The following WDR70 variants were observed in gnomAD, a reference collection of about 807,000 sequenced individuals.
The protein encoded by WDR70 is WD repeat-containing protein 70.
In WDR70, 53 loss-of-function variants were observed where a neutral mutation model predicts 88.6. That is an observed-to-expected ratio of 0.60 (90% confidence interval 0.48 to 0.75). The LOEUF is 0.75. Among genes scored for constraint, WDR70 ranks in the 30% least tolerant of loss-of-function variants. WDR70 has a pLI of 0.00. For synonymous variants in WDR70, 280 were observed against 270.0 expected (o/e 1.04, Z -0.36); for missense variants, 610 against 823.2 (o/e 0.74, Z 3.17).
intron 10 of WDR70, among the ~76,000 whole-genome samples, chr5:37,625,820 C>T (rs1241323642): frequency 3.3e-5 from 5 of 152,138 alleles, no homozygotes; most frequent in Admixed American, 1.3e-4. Flanking sequence ...TGAGCCACCT[C>T]TCCCAGCCTG....
chr5:37,708,507 C>T (rs1177720723), intron 13 of WDR70, among the ~76,000 whole-genome samples: 1 of 151,796 alleles, frequency 6.6e-6, no homozygotes, highest in East Asian at 1.9e-4. Flanking sequence ...AAAGTATATT[C>T]TGGAAATGAA....
At chr5:37,665,353 C>T (rs1448971114) in intron 10 of WDR70, among the ~76,000 whole-genome samples, 2 of 152,108 alleles carry the variant, frequency 1.3e-5, no homozygotes, top group African/African-American at 2.4e-5. Flanking sequence ...CCCTTTGTAC[C>T]TGCAGCTGAT....
intron 10 of WDR70, among the ~76,000 whole-genome samples, chr5:37,679,599 C>G (rs1746357042): frequency 6.6e-6 from 1 of 152,206 alleles, no homozygotes; most frequent in Non-Finnish European, 1.5e-5. Context: ...GAAGTTTTGT[C>G]TCAGAGGAGT....
At chr5:37,568,103 A>C (rs966070088) in intron 9 of WDR70, among the ~76,000 whole-genome samples, 2 of 152,186 alleles carry the variant, frequency 1.3e-5, no homozygotes, top group African/African-American at 4.8e-5. Flanking sequence ...GTAGGTTGCC[A>C]GGTTTATGTG....
chr5:37,602,245 CTT>C (rs964108684), intron 9 of WDR70, among the ~76,000 whole-genome samples: 26 of 145,976 alleles, frequency 1.8e-4, no homozygotes, highest in African/African-American at 6.7e-4. Context: ...AAGAAAATAA[CTT>C]TATTTACAAT....
At chr5:37,709,364 T>C (rs901829291) in intron 13 of WDR70, among the ~76,000 whole-genome samples, 1 of 152,208 alleles carries the variant, frequency 6.6e-6, no homozygotes, top group Non-Finnish European at 1.5e-5. Flanking sequence ...TTTAGGAGGA[T>C]TAAACAATGC....
At chr5:37,441,830 A>G (rs1451489633) in intron 6 of WDR70, among the ~76,000 whole-genome samples, 1 of 151,962 alleles carries the variant, frequency 6.6e-6, no homozygotes, top group Non-Finnish European at 1.5e-5. Context: ...AAAAAACAAA[A>G]CAAAAAAACC....
At chr5:37,503,207 A>G (rs1740455358) in intron 8 of WDR70, among the ~76,000 whole-genome samples, 2 of 152,264 alleles carry the variant, frequency 1.3e-5, no homozygotes, top group South Asian at 2.1e-4. Context: ...TACAGGCTTC[A>G]TAGAATGAGT....
At chr5:37,387,521 T>G (rs891094710) in intron 3 of WDR70, among the ~76,000 whole-genome samples, 3 of 152,204 alleles carry the variant, frequency 2.0e-5, no homozygotes, top group African/African-American at 7.2e-5. Context: ...ACCTCTGATC[T>G]AAACACATGA....
At chr5:37,382,378 G>A (rs1748454331) in intron 3 of WDR70, among the ~76,000 whole-genome samples, 2 of 151,438 alleles carry the variant, frequency 1.3e-5, no homozygotes, top group South Asian at 4.2e-4. Flanking sequence ...GATTACAGAC[G>A]TGAACCACTG....
At chr5:37,587,955 C>A (rs888966476) in intron 9 of WDR70, among the ~76,000 whole-genome samples, 15 of 151,976 alleles carry the variant, frequency 9.9e-5, no homozygotes, top group African/African-American at 3.4e-4. Flanking sequence ...ATTGTCTCTA[C>A]TAAAAGTAGA....
intron 9 of WDR70, among the ~76,000 whole-genome samples, chr5:37,585,747 G>A (rs665327): frequency 0.77 from 116,568 of 152,102 alleles, 45,126 homozygotes; most frequent in African/African-American, 0.87. Context: ...TTACTGGAGC[G>A]TCAGTCTAGG....
At chr5:37,457,428 A>G (rs1228586575) in intron 7 of WDR70, among the ~76,000 whole-genome samples, 1 of 152,184 alleles carries the variant, frequency 6.6e-6, no homozygotes, top group Non-Finnish European at 1.5e-5. Flanking sequence ...ACTGTAAACT[A>G]TGATGGCAAG....
intron 6 of WDR70, among the ~76,000 whole-genome samples, chr5:37,440,439 A>T (rs1355182030): frequency 6.6e-6 from 1 of 151,986 alleles, no homozygotes; most frequent in African/African-American, 2.4e-5. Flanking sequence ...TCCACCTCCC[A>T]GGGGTAAGCG....
At chr5:37,505,414 T>A (rs1740529984) in intron 8 of WDR70, among the ~76,000 whole-genome samples, 1 of 152,174 alleles carries the variant, frequency 6.6e-6, no homozygotes, top group African/African-American at 2.4e-5. Flanking sequence ...AACTTGCCTC[T>A]GGTATTGAGT....
At chr5:37,738,526 T>G (rs1748373523) in intron 17 of WDR70, among the ~76,000 whole-genome samples, 1 of 150,476 alleles carries the variant, frequency 6.6e-6, no homozygotes, top group Admixed American at 6.7e-5. Flanking sequence ...GTAGAAGACA[T>G]AGGTCAAAGC....
chr5:37,701,348 A>G (rs970600832), intron 12 of WDR70, among the ~76,000 whole-genome samples: 1 of 152,110 alleles, frequency 6.6e-6, no homozygotes, highest in Admixed American at 6.5e-5. Flanking sequence ...AGTTAAAATT[A>G]TGTATTTGAT....
intron 12 of WDR70, among the ~76,000 whole-genome samples, chr5:37,701,647 G>A (rs1049599900): frequency 5.3e-5 from 8 of 151,936 alleles, no homozygotes; most frequent in African/African-American, 7.3e-5. Flanking sequence ...AAAATTAGCC[G>A]TGGTGGCGGG....
At chr5:37,518,236 T>C (rs1740954221) in intron 9 of WDR70, among the ~76,000 whole-genome samples, 1 of 152,136 alleles carries the variant, frequency 6.6e-6, no homozygotes, top group African/African-American at 2.4e-5. Flanking sequence ...TTTTAAAATG[T>C]ACAGTTATAT....
Sources: allele counts gnomAD v4.1 joint callset (sites outside exome capture counted in the v4.1 genomes callset), GRCh38; gene constraint gnomAD v4.1.1; transcripts MANE v1.5; gene names NCBI Gene and HGNC (gene_info 2026-07-23, HGNC 2026-07-21).